ARHGEF1: variants seen among roughly 807,000 people sequenced by gnomAD.
ARHGEF1 encodes the protein Rho guanine nucleotide exchange factor 1.
In ARHGEF1, 40 loss-of-function variants were observed where a neutral mutation model predicts 119.7. The ratio of observed to expected loss-of-function variants is 0.33; its 90% CI spans 0.26 to 0.44. ARHGEF1 has a LOEUF of 0.44. ARHGEF1 is among the 20% of genes least tolerant of loss of function. ARHGEF1 has a pLI of 1.00. For synonymous variants in ARHGEF1, 494 were observed against 521.0 expected (o/e 0.95, Z 0.71); for missense variants, 976 against 1,268.3 (o/e 0.77, Z 3.50).
At chr19:41,910,563 A>T (rs2074746166), downstream of ARHGEF1, among the ~76,000 whole-genome samples, 1 of 151,886 alleles carries the variant, frequency 6.6e-6, no homozygotes, top group African/African-American at 2.4e-5. The surrounding 1 kb of genome is among the most constrained non-coding windows in gnomAD (Gnocchi z 4.4). Flanking sequence ...CCACCTTTCG[A>T]CATTCCCCAG....
rs189517387 is a variant in ARHGEF1, at chr19:41,888,441, G to T, written c.111+163G>T. Among the ~76,000 whole-genome samples the T allele has an allele frequency of 2.0e-3, 311 of 152,106 alleles. No homozygotes were observed. The highest frequency in any genetic ancestry group is 6.7e-3 in the African/African-American group (280 of 41,494). On this transcript the variant is annotated intron_variant, in intron 3 of 28. Coordinates refer to ENST00000354532, the MANE Select transcript of ARHGEF1 (RefSeq NM_004706.4). This position sits in a 1 kb window ranked among gnomAD's most constrained non-coding sequence, Gnocchi z 5.1. ...CTCACCTCGCCGACCCCACACAGCA[G>T]CATAGACGCCCACCCTTCTTACTCT... is the stretch of plus-strand genomic sequence containing the variant.
Position 41,904,800 on chromosome 19 carries a change from C to T in ARHGEF1, c.2162-149C>T. On this transcript the variant is annotated intron_variant, in intron 22 of 28. Transcript: ENST00000354532. This position sits in a 1 kb window ranked among gnomAD's most constrained non-coding sequence, Gnocchi z 8.4. The stretch of plus-strand genomic sequence containing the variant: ...GGGGCTCAGGAGGACACATCGGGCC[C>T]TGGATATTAGCAGACAGTGAGTGGT... 2.9e-6 allele frequency: 2 copies of T among 678,378 alleles called. No individual in the cohort carries two copies. The highest frequency in any genetic ancestry group is 5.2e-6 in the Non-Finnish European group (2 of 383,900). The allele number at this position is 678,378 out of a possible 1,614,324, so 42.0% of individuals were successfully genotyped here. A position where few individuals can be genotyped will look rare whatever the true frequency, so the allele number is the denominator to read the frequency against.
exon 2 of ARHGEF1, chr19:41,928,919 C>G (rs1333649669): frequency 1.1e-5 from 5 of 456,270 alleles, no homozygotes; most frequent in Non-Finnish European, 2.2e-5. Context: ...TGGACCGGGA[C>G]TGGAACACGG....
At position 41,907,320 on chromosome 19, in the gene ARHGEF1, G is replaced by T. The variant is rs1241245562; in HGVS notation, c.*233G>T. 6.5e-7 allele frequency: 1 copy of T among 1,534,174 alleles called. No homozygotes were observed. The highest frequency in any genetic ancestry group is 8.7e-7 in the Non-Finnish European group (1 of 1,146,116). On this transcript the variant is annotated 3_prime_UTR_variant, in exon 29 of 29. Coordinates refer to ENST00000354532, the MANE Select transcript of ARHGEF1 (RefSeq NM_004706.4). The stretch of plus-strand genomic sequence containing the variant: ...GGGACTCAGGGCTCCATTCTGGAGG[G>T]CACCACGGTGACCCGGGCCATCTCA...
downstream of ARHGEF1, chr19:41,908,190 G>A: frequency 1.6e-6 from 2 of 1,229,316 alleles, no homozygotes; most frequent in Non-Finnish European, 2.0e-6. The surrounding 1 kb of genome is among the most constrained non-coding windows in gnomAD (Gnocchi z 6.7). Context: ...CAGCCACCCT[G>A]GTCCCTGCCT....
rs782498784 is a variant in ARHGEF1 at position 41,892,568 on chromosome 19, G to A, written c.368-35G>A. 121 of 1,567,020 alleles carry A rather than the reference G, an allele frequency of 7.7e-5. No individual in the cohort carries two copies. The highest frequency in any genetic ancestry group is 9.6e-5 in the Non-Finnish European group (110 of 1,151,790). On this transcript the variant is annotated intron_variant, in intron 6 of 28. Coordinates refer to ENST00000354532, the MANE Select transcript of ARHGEF1 (RefSeq NM_004706.4). The surrounding 1 kb of genome is among the most constrained non-coding windows in gnomAD (Gnocchi z 6.3). Reference sequence around the variant, plus strand: ...GGGGACCGTGGTCCAAGCCACCAGGGAGCTGGACCCTAGCCCCCATGTGTG... The same window carrying A: ...GGGGACCGTGGTCCAAGCCACCAGGAAGCTGGACCCTAGCCCCCATGTGTG...
In ARHGEF1 at chr19:41,892,917, C is replaced by T; in HGVS notation, c.614+68C>T. The T allele has an allele frequency of 7.0e-7, 1 of 1,437,044 alleles. No individual in the cohort carries two copies. The highest frequency in any genetic ancestry group is 9.1e-7 in the Non-Finnish European group (1 of 1,097,210). 89.0% of individuals were successfully genotyped at this position (1,437,044 alleles called of 1,614,324 possible). On this transcript the variant is annotated intron_variant, in intron 7 of 28. Coordinates refer to ENST00000354532, the MANE Select transcript of ARHGEF1 (RefSeq NM_004706.4). The surrounding 1 kb of genome is among the most constrained non-coding windows in gnomAD (Gnocchi z 6.3). ...ACAAGGGCACCCGTGCTACCTCTGG[C>T]ATGTTCCATCCCGTTTGCAGGTTCC...
chr19:41,912,978 G>T, intron 18 of ARHGEF1: 1 of 911,814 alleles, frequency 1.1e-6, no homozygotes. Flanking sequence ...GGGCAGGAGA[G>T]ACAGACACAG....
downstream of ARHGEF1, among the ~76,000 whole-genome samples, chr19:41,912,297 GTC>G (rs1555851337): frequency 2.6e-5 from 4 of 152,126 alleles, no homozygotes; most frequent in Non-Finnish European, 5.9e-5. Flanking sequence ...CAAGGACAGA[GTC>G]TCTGTCTGTC....
At chr19:41,920,563 C>T (rs539414995), upstream of ARHGEF1, among the ~76,000 whole-genome samples, 260 of 151,834 alleles carry the variant, frequency 1.7e-3, 2 homozygotes, top group Non-Finnish European at 2.9e-3. Flanking sequence ...CCAGATGTTA[C>T]GCACTCACAG....
At chr19:41,918,543 TACAC>T (rs782505434), upstream of ARHGEF1, among the ~76,000 whole-genome samples, 4 of 113,988 alleles carry the variant, frequency 3.5e-5, no homozygotes, top group Middle Eastern at 8.5e-3. Context: ...ACACTCACCA[TACAC>T]ACACACATCA....
chr19:41,894,382 A>T (rs991215252), intron 9 of ARHGEF1, 69 bp from the exon 10 acceptor site: 33 of 1,517,972 alleles, frequency 2.2e-5, no homozygotes, highest in Non-Finnish European at 2.9e-5. Context: ...CTGGATACCT[A>T]GCGTCAAATT....
intron 14 of ARHGEF1, among the ~76,000 whole-genome samples, chr19:41,901,196 C>G (rs2074599557): frequency 6.6e-6 from 1 of 152,034 alleles, no homozygotes; most frequent in South Asian, 2.1e-4. Context: ...TGTCACCAGG[C>G]TGGAGTGCAG....
downstream of ARHGEF1, chr19:41,908,332 G>A (rs1224759479): frequency 8.1e-7 from 1 of 1,231,366 alleles, no homozygotes; most frequent in Non-Finnish European, 1.0e-6. This position sits in a 1 kb window ranked among gnomAD's most constrained non-coding sequence, Gnocchi z 6.7. Context: ...GTGATCTCCA[G>A]CTCCGAGTCG....
chr19:41,905,541 G>GTGC lies in ARHGEF1; in HGVS notation c.2337-218_2337-216dup. On this transcript the variant is annotated intron_variant, in intron 24 of 28. Coordinates refer to ENST00000354532, the MANE Select transcript of ARHGEF1 (RefSeq NM_004706.4). The surrounding 1 kb of genome is among the most constrained non-coding windows in gnomAD (Gnocchi z 6.4). ...AGCATGTGCATGCATGTGTGTGTGT[G>GTGC]TGCGCATGTGCCGACCCCACCACTG... The GTGC allele has an allele frequency of 1.6e-6, 1 of 616,914 alleles. No individual in the cohort carries two copies. The highest frequency in any genetic ancestry group is 2.9e-6 in the Non-Finnish European group (1 of 350,772). The allele number at this position is 616,914 out of a possible 1,614,324, so 38.2% of individuals were successfully genotyped here. A position where few individuals can be genotyped will look rare whatever the true frequency, so the allele number is the denominator to read the frequency against.
At chr19:41,920,942 C>T (rs149287204), upstream of ARHGEF1, among the ~76,000 whole-genome samples, 872 of 152,314 alleles carry the variant, frequency 5.7e-3, 3 homozygotes, top group Non-Finnish European at 9.9e-3. Flanking sequence ...TCTCTGCCTC[C>T]GGCCCTGTGT....
rs571380001 is a variant in ARHGEF1, at chr19:41,904,238, C to T, written c.2016C>T (p.Asp672=). Reference sequence around the variant, plus strand: ...TAGAGGTGCATGTGCTGCTGCTGGACGACCTGCTGCTGCTGCTCCAGCGCC... The same window carrying T: ...TAGAGGTGCATGTGCTGCTGCTGGATGACCTGCTGCTGCTGCTCCAGCGCC... The part of the protein sequence containing the change: ...KAVEVHVLLL[D]DLLLLLQRQD... Residue 672 remains aspartate, a synonymous_variant, in exon 22 of 29, where the codon GAC becomes GAT. Coordinates refer to ENST00000354532, the MANE Select transcript of ARHGEF1 (RefSeq NM_004706.4). The surrounding 1 kb of genome is among the most constrained non-coding windows in gnomAD (Gnocchi z 8.4). The T allele has an allele frequency of 1.4e-5, 23 of 1,613,384 alleles. No individual in the cohort carries two copies. The highest frequency in any genetic ancestry group is 1.2e-4 in the African/African-American group (9 of 75,050).
chr19:41,912,086 C>T (rs1455469019), downstream of ARHGEF1, among the ~76,000 whole-genome samples: 7 of 152,120 alleles, frequency 4.6e-5, no homozygotes, highest in South Asian at 8.3e-4. Context: ...GAGGCACAGT[C>T]GGAGAGCTGG....
upstream of ARHGEF1, among the ~76,000 whole-genome samples, chr19:41,920,712 C>T (rs1376340463): frequency 5.3e-5 from 8 of 152,376 alleles, no homozygotes; most frequent in Admixed American, 2.0e-4. Context: ...TGTGCACATG[C>T]GCACACACAC....
Sources: gnomAD v4.1 joint callset for allele counts (sites outside exome capture counted in the v4.1 genomes callset) on GRCh38, gnomAD v4.1.1 for gene constraint, Gnocchi (gnomAD v3.1) non-coding constraint, MANE v1.5 for transcripts, NCBI Gene and HGNC (gene_info 2026-07-23, HGNC 2026-07-21) for gene names.